CNTN1: variants seen among roughly 807,000 people sequenced by gnomAD.
CNTN1 encodes the protein contactin-1.
Under a neutral mutation model 126.4 loss-of-function variants are expected in CNTN1, and 38 were observed. The ratio of observed to expected loss-of-function variants is 0.30; its 90% CI spans 0.23 to 0.39. The LOEUF is 0.39. CNTN1 is among the 10% of genes least tolerant of loss of function. CNTN1 has a pLI of 1.00. For missense variants in CNTN1, 1,009 were observed against 1,248.4 expected (o/e 0.81, Z 2.89); for synonymous variants, 413 against 422.6 (o/e 0.98, Z 0.28).
Position 40,943,646 on chromosome 12 carries a change from A to G in CNTN1, c.1429A>G (p.Asn477Asp), listed in dbSNP as rs370312436. ...GSLEINNITR[N>D]DGGIYTCFAE... is the part of the protein sequence containing the mutation. ...CTTGGAAATCAACAACATTACAAGG[A>G]ATGATGGAGGTATCTATACATGCTT... The change falls in exon 13 of 24, where the codon AAT (asparagine) becomes GAT (aspartate). Residue 477 changes from asparagine (N) to aspartate (D), a missense_variant. Coordinates refer to ENST00000551295, the MANE Select transcript of CNTN1 (RefSeq NM_001843.4). The G allele has an allele frequency of 3.7e-6, 6 of 1,603,694 alleles. No individual in the cohort carries two copies. The highest frequency in any genetic ancestry group is 2.7e-5 in the African/African-American group (2 of 74,680).
intron 1 of CNTN1, among the ~76,000 whole-genome samples, chr12:40,821,951 A>G (rs1941451947): frequency 6.6e-6 from 1 of 150,896 alleles, no homozygotes. Context: ...AAGCATTTAG[A>G]TAGTATTCAA....
chr12:40,887,596 G>A (rs1404917377), intron 1 of CNTN1, among the ~76,000 whole-genome samples: 1 of 152,050 alleles, frequency 6.6e-6, no homozygotes, highest in Non-Finnish European at 1.5e-5. Context: ...CCTTGTGGAA[G>A]TCAGTGTGGC....
chr12:40,755,774 T>C (rs1047724924), intron 1 of CNTN1, among the ~76,000 whole-genome samples: 1 of 152,010 alleles, frequency 6.6e-6, no homozygotes, highest in Non-Finnish European at 1.5e-5. Context: ...TAAGATCTTA[T>C]GTATAAGGGG....
At chr12:40,917,999 A>G (rs950436107) in intron 3 of CNTN1, among the ~76,000 whole-genome samples, 6 of 152,188 alleles carry the variant, frequency 3.9e-5, no homozygotes, top group Non-Finnish European at 8.8e-5. Flanking sequence ...GATTTTCTCA[A>G]CATCAAGAAG....
chr12:41,015,697 A>G (rs750509586), intron 18 of CNTN1, among the ~76,000 whole-genome samples: 3 of 151,932 alleles, frequency 2.0e-5, no homozygotes, highest in Admixed American at 6.5e-5. Context: ...TTGCCTCAAG[A>G]CATCTTAAAT....
At chr12:40,733,275 T>A (rs1296219898) in intron 1 of CNTN1, among the ~76,000 whole-genome samples, 1 of 152,082 alleles carries the variant, frequency 6.6e-6, no homozygotes, top group East Asian at 1.9e-4. Flanking sequence ...AGGCTATATT[T>A]TTTTTGCTTA....
intron 4 of CNTN1, among the ~76,000 whole-genome samples, chr12:40,919,092 T>A (rs1945346246): frequency 6.6e-6 from 1 of 152,170 alleles, no homozygotes; most frequent in Non-Finnish European, 1.5e-5. Context: ...AATTTAAATA[T>A]ACAGATTTGA....
chr12:40,774,333 T>G (rs1472240063), intron 1 of CNTN1, among the ~76,000 whole-genome samples: 3 of 151,618 alleles, frequency 2.0e-5, no homozygotes, highest in Non-Finnish European at 4.4e-5. Flanking sequence ...GGAAAGGCTC[T>G]CTAAGGAAGG....
At chr12:40,873,744 T>C (rs1373055032) in intron 1 of CNTN1, among the ~76,000 whole-genome samples, 1 of 152,178 alleles carries the variant, frequency 6.6e-6, no homozygotes, top group Non-Finnish European at 1.5e-5. Context: ...CAAAACATAA[T>C]TCAATTCTAA....
intron 1 of CNTN1, among the ~76,000 whole-genome samples, chr12:40,718,700 C>A (rs1343956288): frequency 6.6e-6 from 1 of 152,172 alleles, no homozygotes; most frequent in Non-Finnish European, 1.5e-5. Context: ...AGACTACTAT[C>A]CCCTATTTAA....
chr12:40,873,483 C>A lies in CNTN1; in HGVS notation c.-76-34874C>A, dbSNP rs143279495. ...TGTATTTTAAAACATAATATAGATT[C>A]TCCATATTGGTTTGATTGCTAAAAT... On this transcript the variant is annotated intron_variant, in intron 1 of 23. Coordinates refer to ENST00000551295, the MANE Select transcript of CNTN1 (RefSeq NM_001843.4). Among the ~76,000 whole-genome samples, 33 of 152,240 alleles carry A rather than the reference C, an allele frequency of 2.2e-4. 1 individual carries two copies. The East Asian group carries it at 5.4e-3, about 25-fold the overall frequency.
At chr12:41,022,851 A>C (rs1592419386) in intron 20 of CNTN1, among the ~76,000 whole-genome samples, 1 of 152,194 alleles carries the variant, frequency 6.6e-6, no homozygotes, top group East Asian at 1.9e-4. Context: ...CGGTTGATTA[A>C]AATTGCTGGA....
At chr12:40,786,639 T>A (rs1341717058) in intron 1 of CNTN1, among the ~76,000 whole-genome samples, 1 of 152,064 alleles carries the variant, frequency 6.6e-6, no homozygotes, top group East Asian at 1.9e-4. Context: ...TGAAGCAGGA[T>A]AAATTAAAAG....
At chr12:40,995,006 A>G (rs1284806783) in intron 17 of CNTN1, among the ~76,000 whole-genome samples, 1 of 152,078 alleles carries the variant, frequency 6.6e-6, no homozygotes, top group African/African-American at 2.4e-5. Flanking sequence ...TTTATTGCCC[A>G]TTAATGAACA....
At position 41,049,666 on chromosome 12, in the gene CNTN1, T is replaced by C. The variant is rs143384739; in HGVS notation, c.2981-20293T>C. 4.0e-3 allele frequency among the ~76,000 whole-genome samples: 603 copies of C among 152,320 alleles called. 7 individuals are homozygous for C. Among genetic ancestry groups the C allele is most frequent in the African/African-American group, 0.014 (579 of 41,578 alleles). On this transcript the variant is annotated intron_variant, in intron 23 of 23. Transcript: ENST00000551295. ...CTTAATATAATGACCACAGTGATTATTTTAAAATATGTCAGCTCTTCTCAT... is the reference window on the plus strand; with the variant it reads ...CTTAATATAATGACCACAGTGATTACTTTAAAATATGTCAGCTCTTCTCAT...
intron 23 of CNTN1, among the ~76,000 whole-genome samples, chr12:41,046,667 C>T (rs1041901668): frequency 3.3e-5 from 5 of 151,760 alleles, no homozygotes; most frequent in Non-Finnish European, 7.4e-5. Flanking sequence ...GTTTAAGAAC[C>T]CCTGTAAATC....
At chr12:40,990,050 T>C (rs1367477598) in intron 16 of CNTN1, among the ~76,000 whole-genome samples, 1 of 152,066 alleles carries the variant, frequency 6.6e-6, no homozygotes, top group Admixed American at 6.6e-5. Context: ...TCTTGGTACA[T>C]CTTTTAAAAA....
chr12:40,982,155 C>T (rs1439258937), intron 16 of CNTN1, among the ~76,000 whole-genome samples: 2 of 152,048 alleles, frequency 1.3e-5, no homozygotes, highest in Admixed American at 6.6e-5. Flanking sequence ...ATTTTAATAT[C>T]AGATGATTCC....
intron 15 of CNTN1, among the ~76,000 whole-genome samples, chr12:40,979,929 T>C (rs1309843177): frequency 6.6e-6 from 1 of 152,166 alleles, no homozygotes; most frequent in Non-Finnish European, 1.5e-5. Context: ...CTAAGACTCT[T>C]CAATATAATT....
Sources: gnomAD v4.1 joint callset for allele counts (sites outside exome capture counted in the v4.1 genomes callset) on GRCh38, gnomAD v4.1.1 for gene constraint, MANE v1.5 for transcripts, NCBI Gene and HGNC (gene_info 2026-07-23, HGNC 2026-07-21) for gene names.